The following PRLR variants were observed in gnomAD, a reference collection of about 807,000 sequenced individuals.
The protein encoded by PRLR is hPRL receptor.
A neutral mutation model predicts 40.2 loss-of-function variants in PRLR; 13 were observed. The ratio of observed to expected loss-of-function variants is 0.32; its 90% CI spans 0.21 to 0.51. The LOEUF (loss-of-function observed/expected upper bound fraction) is 0.51. Ranked by LOEUF, PRLR falls within the 20% of genes least tolerant of loss-of-function variation. The probability of loss-of-function intolerance (pLI) is 0.97; values close to 1 mark genes in which losing one functional copy is unlikely to be tolerated. For missense variants in PRLR, 656 were observed against 747.3 expected, an observed-to-expected ratio of 0.88 and a Z score of 1.42; for synonymous variants, 269 against 278.7, an observed-to-expected ratio of 0.97 and a Z score of 0.35.
chr5:35,207,595 T>C (rs953624546), intron 1 of PRLR, among the ~76,000 whole-genome samples: 7 of 149,686 alleles, frequency 4.7e-5, no homozygotes, highest in African/African-American at 1.5e-4. Flanking sequence ...ACATTCCCAA[T>C]CAAATTACCA....
chr5:35,119,952 G>A (rs564851295), intron 1 of PRLR, among the ~76,000 whole-genome samples: 1 of 152,202 alleles, frequency 6.6e-6, no homozygotes, highest in South Asian at 2.1e-4. Context: ...CAGGCCCTGG[G>A]CCCACTTGGT....
chr5:35,102,046 T>C (rs896010937), intron 2 of PRLR, among the ~76,000 whole-genome samples: 1 of 151,858 alleles, frequency 6.6e-6, no homozygotes, highest in African/African-American at 2.4e-5. Context: ...GCCGGGGTGG[T>C]CTCCATCTCT....
intron 5 of PRLR, among the ~76,000 whole-genome samples, chr5:35,083,544 G>T (rs1231777022): frequency 6.8e-6 from 1 of 146,754 alleles, no homozygotes; most frequent in African/African-American, 2.6e-5. Flanking sequence ...TTTTGATGTG[G>T]AGTCTCGCTC....
chr5:35,140,177 C>A (rs1041787237), intron 1 of PRLR, among the ~76,000 whole-genome samples: 1 of 152,080 alleles, frequency 6.6e-6, no homozygotes, highest in Non-Finnish European at 1.5e-5. Context: ...GCTGGAAGAA[C>A]CAGATGCAAG....
chr5:35,105,958 G>A (rs1257868535), intron 2 of PRLR, among the ~76,000 whole-genome samples: 2 of 152,220 alleles, frequency 1.3e-5, no homozygotes, highest in African/African-American at 2.4e-5. Flanking sequence ...AGGAAAAAAT[G>A]TTACGGGCAG....
chr5:35,180,489 C>T lies in PRLR; in HGVS notation c.-106+49779G>A, dbSNP rs371467393. Among the ~76,000 whole-genome samples, 46 of 152,228 alleles carry T rather than the reference C, an allele frequency of 3.0e-4. 1 individual carries two copies. The highest frequency in any genetic ancestry group is 6.8e-3 in the Middle Eastern group (2 of 294). ...CCTTCTGCCATGATTGTAAGTTTCC[C>T]GAGGCCTCCACAGAAGCTGAACAGA... On this transcript the variant is annotated intron_variant, in intron 1 of 9. Coordinates refer to ENST00000618457, the MANE Select transcript of PRLR (RefSeq NM_000949.7).
chr5:35,217,602 C>T (rs1175349398), intron 1 of PRLR, among the ~76,000 whole-genome samples: 1 of 152,012 alleles, frequency 6.6e-6, no homozygotes, highest in Non-Finnish European at 1.5e-5. Flanking sequence ...GGTATTTAGC[C>T]CATATTAATA....
At chr5:35,198,251 C>A (rs543805783) in intron 1 of PRLR, among the ~76,000 whole-genome samples, 1 of 152,352 alleles carries the variant, frequency 6.6e-6, no homozygotes, top group South Asian at 2.1e-4. Context: ...CCTTTTCCTA[C>A]TCCAGCAGTG....
At chr5:35,139,770 G>A (rs1304233583) in intron 1 of PRLR, among the ~76,000 whole-genome samples, 2 of 152,156 alleles carry the variant, frequency 1.3e-5, no homozygotes, top group Admixed American at 6.5e-5. Flanking sequence ...AGCCAGTTTG[G>A]AAATTGGATA....
chr5:35,086,393 G>T, intron 3 of PRLR, 53 bp from the exon 4 acceptor site: 2 of 1,598,824 alleles, frequency 1.3e-6, no homozygotes, highest in South Asian at 2.2e-5. Context: ...TTAACCATTT[G>T]ACCCTTCTGC....
Position 35,213,737 on chromosome 5 carries a change from T to C in PRLR, c.-106+16531A>G, listed in dbSNP as rs376269062. Reference sequence around the variant, plus strand: ...CTACTCAAGTCTGAGGGCCCCTCCATGTGGCTAGAAGAAGCCAGGCATCTT... The same window carrying C: ...CTACTCAAGTCTGAGGGCCCCTCCACGTGGCTAGAAGAAGCCAGGCATCTT... On this transcript the variant is annotated intron_variant, in intron 1 of 9. Coordinates refer to ENST00000618457, the MANE Select transcript of PRLR (RefSeq NM_000949.7). 2.5e-4 allele frequency among the ~76,000 whole-genome samples: 38 copies of C among 152,272 alleles called. 2 individuals are homozygous for C. Among genetic ancestry groups the C allele is most frequent in the African/African-American group, 8.2e-4 (34 of 41,570 alleles).
chr5:35,101,376 A>T (rs796749576), intron 2 of PRLR, among the ~76,000 whole-genome samples: 9 of 152,282 alleles, frequency 5.9e-5, no homozygotes, highest in African/African-American at 2.2e-4. Context: ...GACCTTCTTG[A>T]TTCCTCCAGT....
intron 5 of PRLR, among the ~76,000 whole-genome samples, chr5:35,079,995 C>T (rs902184500): frequency 2.0e-5 from 3 of 152,158 alleles, no homozygotes; most frequent in African/African-American, 7.2e-5. Flanking sequence ...ATGTAGAAAG[C>T]TGAAACTGGA....
At chr5:35,162,563 C>T in intron 1 of PRLR, among the ~76,000 whole-genome samples, 1 of 152,174 alleles carries the variant, frequency 6.6e-6, no homozygotes, top group East Asian at 1.9e-4. Flanking sequence ...CATACATGCC[C>T]TCCGAAGAGA....
chr5:35,096,789 T>G (rs538978460), intron 2 of PRLR, among the ~76,000 whole-genome samples: 1 of 151,980 alleles, frequency 6.6e-6, no homozygotes, highest in African/African-American at 2.4e-5. Context: ...CCTGGCTAAT[T>G]TTTGTATTTT....
intron 1 of PRLR, among the ~76,000 whole-genome samples, chr5:35,187,211 G>A (rs1020261654): frequency 1.3e-5 from 2 of 152,198 alleles, no homozygotes; most frequent in Admixed American, 6.5e-5. Context: ...GACCAGTCTG[G>A]CCAACATGGT....
rs1400125984 is a variant in PRLR, at chr5:35,062,834, T to C, written c.*2255A>G. ...ATGTGAATTCATATAAGATTCAGCA[T>C]AATGTGAATCTTAAACTACTGATAT... is the stretch of plus-strand genomic sequence containing the variant. On this transcript the variant is annotated 3_prime_UTR_variant, in exon 10 of 10. Coordinates refer to ENST00000618457, the MANE Select transcript of PRLR (RefSeq NM_000949.7). 1.3e-5 allele frequency: 2 copies of C among 152,246 alleles called. No homozygotes were observed. The highest frequency in any genetic ancestry group is 1.9e-4 in the East Asian group (1 of 5,200). The allele number at this position is 152,246 out of a possible 1,614,324, so 9.4% of individuals were successfully genotyped here. A position where few individuals can be genotyped will look rare whatever the true frequency, so the allele number is the denominator to read the frequency against.
At chr5:35,173,604 G>A (rs1775060814) in intron 1 of PRLR, among the ~76,000 whole-genome samples, 1 of 152,164 alleles carries the variant, frequency 6.6e-6, no homozygotes, top group Non-Finnish European at 1.5e-5. Context: ...AAGGCCTCTG[G>A]CAAGAGTGAC....
At chr5:35,106,252 G>A (rs1008726922) in intron 2 of PRLR, among the ~76,000 whole-genome samples, 5 of 152,120 alleles carry the variant, frequency 3.3e-5, no homozygotes, top group African/African-American at 1.2e-4. Flanking sequence ...GGAACAACTG[G>A]TACCAGCCAC....
Sources: allele counts gnomAD v4.1 joint callset (sites outside exome capture counted in the v4.1 genomes callset), GRCh38; gene constraint gnomAD v4.1.1; transcripts MANE v1.5; gene names NCBI Gene and HGNC (gene_info 2026-07-23, HGNC 2026-07-21).